MAN2A1: variants seen among roughly 807,000 people sequenced by gnomAD.
MAN2A1 encodes alpha-mannosidase 2.
MAN2A1 carries 76 observed loss-of-function variants against 142.6 expected under a neutral mutation model. The ratio of observed to expected loss-of-function variants is 0.53; its 90% CI spans 0.44 to 0.65. The LOEUF (loss-of-function observed/expected upper bound fraction) is 0.65. Ranked by LOEUF, MAN2A1 falls within the 30% of genes least tolerant of loss-of-function variation. The pLI, the probability that MAN2A1 is intolerant of heterozygous loss-of-function variation, is 0.00. For synonymous variants in MAN2A1, 559 were observed against 473.2 expected, an observed-to-expected ratio of 1.18 and a Z score of -2.35; for missense variants, 1,311 against 1,365.1, an observed-to-expected ratio of 0.96 and a Z score of 0.62.
chr5:109,802,011 T>C (rs992473981), intron 12 of MAN2A1, among the ~76,000 whole-genome samples: 1 of 152,212 alleles, frequency 6.6e-6, no homozygotes, highest in Non-Finnish European at 1.5e-5. Context: ...CCTTATTCTT[T>C]GATTCATACA....
chr5:109,824,653 A>G (rs1754711648), intron 16 of MAN2A1, among the ~76,000 whole-genome samples: 1 of 152,170 alleles, frequency 6.6e-6, no homozygotes, highest in South Asian at 2.1e-4. Flanking sequence ...AAAAAATACT[A>G]TTTCCCTGAA....
chr5:109,861,530 G>C (rs1041313611), intron 20 of MAN2A1, among the ~76,000 whole-genome samples: 3 of 152,184 alleles, frequency 2.0e-5, no homozygotes, highest in East Asian at 3.8e-4. Flanking sequence ...AAAATTGTCT[G>C]TTTGCCAGGC....
At chr5:109,733,365 G>A (rs1403028967) in intron 4 of MAN2A1, among the ~76,000 whole-genome samples, 1 of 152,080 alleles carries the variant, frequency 6.6e-6, no homozygotes, top group Non-Finnish European at 1.5e-5. Flanking sequence ...TCCTTCTCCT[G>A]CCTAATTTCC....
chr5:109,767,834 T>C, intron 6 of MAN2A1, 126 bp downstream of exon 6: 1 of 706,880 alleles, frequency 1.4e-6, no homozygotes, highest in Non-Finnish European at 2.3e-6. Context: ...CTAAAGATAG[T>C]CACTCTCGTA....
intron 20 of MAN2A1, among the ~76,000 whole-genome samples, chr5:109,858,865 G>A (rs1004189018): frequency 9.9e-5 from 15 of 152,184 alleles, no homozygotes; most frequent in African/African-American, 3.4e-4. Context: ...TTATAGATTC[G>A]AAGAACAGTG....
intron 12 of MAN2A1, among the ~76,000 whole-genome samples, chr5:109,801,783 A>C (rs1281746029): frequency 1.3e-5 from 2 of 152,172 alleles, no homozygotes; most frequent in African/African-American, 4.8e-5. Flanking sequence ...CATACCAAAC[A>C]CAATGAAACT....
At chr5:109,840,427 A>G in intron 16 of MAN2A1, 1 of 445,828 alleles carries the variant, frequency 2.2e-6, no homozygotes, top group South Asian at 1.8e-5. Flanking sequence ...CATTTCTACC[A>G]GGTTTCTGCA....
intron 19 of MAN2A1, chr5:109,854,429 A>G (rs1163035404): frequency 2.6e-5 from 4 of 152,166 alleles, no homozygotes; most frequent in Non-Finnish European, 1.5e-5. Context: ...GAATAATCAT[A>G]TACTATGTAA....
At chr5:109,751,996 G>T (rs1752560776) in intron 4 of MAN2A1, among the ~76,000 whole-genome samples, 1 of 151,890 alleles carries the variant, frequency 6.6e-6, no homozygotes, top group Non-Finnish European at 1.5e-5. Flanking sequence ...TCATCAAAAA[G>T]CCCTGTCCAA....
At chr5:109,828,911 C>T (rs1754831722) in intron 16 of MAN2A1, among the ~76,000 whole-genome samples, 1 of 152,104 alleles carries the variant, frequency 6.6e-6, no homozygotes, top group Admixed American at 6.5e-5. Flanking sequence ...TAGTTTTTCT[C>T]TGAGCAATTT....
intron 1 of MAN2A1, among the ~76,000 whole-genome samples, chr5:109,694,267 A>G (rs1303065823): frequency 6.6e-6 from 1 of 152,254 alleles, no homozygotes; most frequent in Non-Finnish European, 1.5e-5. Context: ...TGTAACATTT[A>G]TCAAGTGAGA....
intron 21 of MAN2A1, 194 bp downstream of exon 21, chr5:109,865,340 CA>C (rs1755852422): frequency 5.3e-6 from 3 of 565,902 alleles, no homozygotes; most frequent in South Asian, 2.1e-5. Flanking sequence ...TTGTTGACAT[CA>C]AAAGGCATAG....
intron 16 of MAN2A1, among the ~76,000 whole-genome samples, chr5:109,833,106 A>G (rs1165353812): frequency 2.0e-5 from 3 of 147,456 alleles, no homozygotes; most frequent in African/African-American, 7.6e-5. Flanking sequence ...CATATCTCAG[A>G]CGATGGGTGG....
chr5:109,807,056 A>G (rs1328821869), intron 12 of MAN2A1, among the ~76,000 whole-genome samples: 1 of 151,988 alleles, frequency 6.6e-6, no homozygotes, highest in Non-Finnish European at 1.5e-5. Context: ...TTTTTCTTGT[A>G]AGAGCAGGCC....
chr5:109,784,842 C>G lies in MAN2A1; in HGVS notation c.1676C>G (p.Ala559Gly). 6.2e-7 allele frequency: 1 copy of G among 1,612,608 alleles called. No individual in the cohort carries two copies. Among genetic ancestry groups the G allele is most frequent in the Non-Finnish European group, 8.5e-7 (1 of 1,179,232 alleles). The change falls in exon 10 of 22, where the codon GCC becomes GGC. Residue 559 changes from alanine (A) to glycine (G), a missense_variant. Physicochemically the swap from Ala to Gly is moderately conservative, Grantham distance 60 (BLOSUM62 0). Around this residue, in one of 3 missense-constraint regions of MAN2A1, gnomAD observed 890 missense variants for 920.5 expected, o/e 0.97. Transcript: ENST00000261483. The stretch of plus-strand genomic sequence containing the variant: ...TCACTTTACACGGCACTGACAGAAG[C>G]CAGAAGGAATTTGGGACTGTTTCAA... ...SSSLYTALTE[A>G]RRNLGLFQHH...
At chr5:109,783,600 CA>C (rs1284470787) in intron 9 of MAN2A1, among the ~76,000 whole-genome samples, 1 of 152,084 alleles carries the variant, frequency 6.6e-6, no homozygotes, top group African/African-American at 2.4e-5. Flanking sequence ...ATTTTACAAA[CA>C]AAGTATTTCT....
chr5:109,811,830 T>C (rs954082642), intron 12 of MAN2A1, among the ~76,000 whole-genome samples: 1 of 152,204 alleles, frequency 6.6e-6, no homozygotes, highest in Non-Finnish European at 1.5e-5. Flanking sequence ...GCTTGCTTTT[T>C]AACTTAGCCA....
chr5:109,832,161 CTTTT>C (rs70999945), intron 16 of MAN2A1, among the ~76,000 whole-genome samples: 8 of 51,216 alleles, frequency 1.6e-4, no homozygotes, highest in African/African-American at 5.3e-4. Flanking sequence ...AAGGAGTTTT[CTTTT>C]TTTTTTTTTT....
intron 8 of MAN2A1, among the ~76,000 whole-genome samples, chr5:109,777,161 A>G (rs924296787): frequency 6.6e-6 from 1 of 152,086 alleles, no homozygotes; most frequent in Non-Finnish European, 1.5e-5. Flanking sequence ...TTTAGTATAT[A>G]TTGCCAAACT....
Sources: gnomAD v4.1 joint callset for allele counts (sites outside exome capture counted in the v4.1 genomes callset) on GRCh38, gnomAD v4.1.1 for gene constraint, gnomAD v4.1.1 regional missense constraint, MANE v1.5 for transcripts, NCBI Gene and HGNC (gene_info 2026-07-23, HGNC 2026-07-21) for gene names.